The following MYLK4 variants were observed in gnomAD, a reference collection of about 807,000 sequenced individuals.
The protein encoded by MYLK4 is myosin light chain kinase family member 4, also known as caMLCK like.
Under a neutral mutation model 48.1 loss-of-function variants are expected in MYLK4, and 46 were observed. The observed-to-expected ratio is 0.96, with a 90% confidence interval of 0.75 to 1.22. The LOEUF is 1.22. Among genes scored for constraint, MYLK4 ranks in the 50% most tolerant of loss-of-function variants. The pLI, the probability that MYLK4 is intolerant of heterozygous loss-of-function variation, is 0.00. For synonymous variants in MYLK4, 170 were observed against 180.8 expected, an observed-to-expected ratio of 0.94 and a Z score of 0.48; for missense variants, 451 against 486.1, an observed-to-expected ratio of 0.93 and a Z score of 0.68.
At chr6:2,678,457 T>G (rs1219899743) in intron 9 of MYLK4, 85 bp from the exon 10 acceptor site, 1 of 1,433,174 alleles carries the variant, frequency 7.0e-7, no homozygotes, top group African/African-American at 1.4e-5. Context: ...TTGTGCCATT[T>G]AAAGGTGAGA....
rs1294963712 is a variant in MYLK4 at position 2,680,228 on chromosome 6, C to T, written c.751G>A (p.Ala251Thr). Residue 251 changes from alanine (A) to threonine (T), a missense_variant, in exon 8 of 13, where the codon GCC becomes ACC. Ala to Thr is a moderately conservative substitution (Grantham distance 58). Transcript: ENST00000274643. ...ATGTCCAAATAGACATACCTTCTGG[C>T]CAATCCAAAATCAATAATTTTTATT... is the stretch of plus-strand genomic sequence containing the variant. ...KQIKIIDFGL[A>T]RRYKPREKLK... 6.2e-7 allele frequency: 1 copy of T among 1,614,132 alleles called. No homozygotes were observed. Among genetic ancestry groups the T allele is most frequent in the South Asian group, 1.1e-5 (1 of 91,082 alleles).
chr6:2,690,916 G>A (rs1761766204), intron 3 of MYLK4, among the ~76,000 whole-genome samples: 1 of 139,314 alleles, frequency 7.2e-6, no homozygotes, highest in Non-Finnish European at 1.5e-5. Flanking sequence ...TGCAAGCTCC[G>A]CCTCCCGGAT....
At chr6:2,770,358 C>T in the MYLK4 span, 1 of 1,614,082 alleles carries the variant, frequency 6.2e-7, no homozygotes, top group East Asian at 2.2e-5. Flanking sequence ...AACAGCAGCT[C>T]AGAGTAAGTT....
At chr6:2,724,249 T>A (rs1419012592) in intron 2 of MYLK4, among the ~76,000 whole-genome samples, 1 of 152,158 alleles carries the variant, frequency 6.6e-6, no homozygotes, top group Non-Finnish European at 1.5e-5. Context: ...GCGATACACA[T>A]AGAGGACTTT....
chr6:2,735,090 A>T, intron 2 of MYLK4, among the ~76,000 whole-genome samples: 1 of 152,224 alleles, frequency 6.6e-6, no homozygotes, highest in East Asian at 1.9e-4. Context: ...TTCTTAGATG[A>T]TTCAGAAGGA....
At chr6:2,768,750 A>G in the MYLK4 span, 2 of 1,614,058 alleles carry the variant, frequency 1.2e-6, no homozygotes. Flanking sequence ...GGTTTGTGAC[A>G]TTATCTGCAA....
intron 2 of MYLK4, among the ~76,000 whole-genome samples, chr6:2,703,662 A>ATT (rs759946900): frequency 3.2e-4 from 20 of 62,170 alleles, no homozygotes; most frequent in African/African-American, 1.2e-3. Context: ...CCCTTTGTGA[A>ATT]TTCTTTTTTT....
In MYLK4 at chr6:2,665,055, G is replaced by A. The variant is rs928129238; in HGVS notation, c.*2870C>T. ...CCATTTGCTAAAGAAAGTGGGAACT[G>A]CCTAGTGAGTGAGCAAAGCCATACC... On this transcript the variant is annotated 3_prime_UTR_variant, in exon 13 of 13. Coordinates refer to ENST00000274643, the MANE Select transcript of MYLK4 (RefSeq NM_001012418.5). 1.4e-4 allele frequency: 22 copies of A among 152,218 alleles called. No homozygotes were observed. Among genetic ancestry groups the A allele is most frequent in the Non-Finnish European group, 2.8e-4 (19 of 68,024 alleles). 9.4% of individuals were successfully genotyped at this position (152,218 alleles called of 1,614,324 possible).
chr6:2,749,774 A>G (rs567470330), intron 1 of MYLK4, among the ~76,000 whole-genome samples: 17 of 152,310 alleles, frequency 1.1e-4, no homozygotes, highest in African/African-American at 4.1e-4. Context: ...GGAAGGGCTT[A>G]TCACAGAAGG....
At chr6:2,770,016 A>G in the MYLK4 span, 1 of 1,510,718 alleles carries the variant, frequency 6.6e-7, no homozygotes, top group Non-Finnish European at 9.0e-7. Context: ...TGAACTCGAA[A>G]GATAAAAATG....
chr6:2,704,408 A>T (rs1017998325), intron 2 of MYLK4, among the ~76,000 whole-genome samples: 1 of 152,168 alleles, frequency 6.6e-6, no homozygotes, highest in African/African-American at 2.4e-5. Context: ...TAGAAATTCA[A>T]ATGTTTGTGT....
chr6:2,748,132 T>C (rs913232512), intron 2 of MYLK4, among the ~76,000 whole-genome samples: 2 of 152,228 alleles, frequency 1.3e-5, no homozygotes, highest in Non-Finnish European at 2.9e-5. Context: ...CAAAGAAGGA[T>C]GTTTTCCAAA....
At position 2,665,421 on chromosome 6, in the gene MYLK4, A is replaced by G. The variant is rs1312652835; in HGVS notation, c.*2504T>C. 1 of 152,266 alleles carries G rather than the reference A, an allele frequency of 6.6e-6. No homozygotes were observed. The highest frequency in any genetic ancestry group is 1.5e-5 in the Non-Finnish European group (1 of 68,068). 9.4% of individuals were successfully genotyped at this position (152,266 alleles called of 1,614,324 possible). A position where few individuals can be genotyped will look rare whatever the true frequency, so the allele number is the denominator to read the frequency against. On this transcript the variant is annotated 3_prime_UTR_variant, in exon 13 of 13. Coordinates refer to ENST00000274643, the MANE Select transcript of MYLK4 (RefSeq NM_001012418.5). Reference sequence around the variant, plus strand: ...TATAAAAGGCACCCTGCTGGCATGGAGATGCCTTCCCATTCCAAATGTGGA... The same window carrying G: ...TATAAAAGGCACCCTGCTGGCATGGGGATGCCTTCCCATTCCAAATGTGGA...
the MYLK4 span, among the ~76,000 whole-genome samples, chr6:2,763,714 C>T: frequency 6.6e-6 from 1 of 152,240 alleles, no homozygotes; most frequent in Non-Finnish European, 1.5e-5. Flanking sequence ...AAAGAGCTCC[C>T]ATAGTACAGC....
chr6:2,713,496 A>G (rs1205096398), intron 2 of MYLK4, among the ~76,000 whole-genome samples: 1 of 152,192 alleles, frequency 6.6e-6, no homozygotes, highest in East Asian at 1.9e-4. Flanking sequence ...TCCTTTCTCC[A>G]TGGCCAAAAG....
At chr6:2,692,996 C>T in intron 2 of MYLK4, 137 bp from the exon 3 acceptor site, 1 of 735,190 alleles carries the variant, frequency 1.4e-6, no homozygotes, top group Non-Finnish European at 2.2e-6. Flanking sequence ...GCATCACTGG[C>T]CTCTATCCAC....
At chr6:2,700,459 T>TTCGGG (rs1434425869) in intron 2 of MYLK4, among the ~76,000 whole-genome samples, 1 of 152,164 alleles carries the variant, frequency 6.6e-6, no homozygotes, top group African/African-American at 2.4e-5. Flanking sequence ...TTCTGAGGCC[T>TTCGGG]TCTTACCAGC....
chr6:2,714,521 T>G (rs1364134695), intron 2 of MYLK4, among the ~76,000 whole-genome samples: 3 of 152,254 alleles, frequency 2.0e-5, no homozygotes, highest in East Asian at 3.8e-4. Context: ...GGCTCATCCT[T>G]GAATTCTTTC....
intron 12 of MYLK4, among the ~76,000 whole-genome samples, chr6:2,670,198 T>A (rs1189782719): frequency 6.6e-6 from 1 of 152,088 alleles, no homozygotes; most frequent in Non-Finnish European, 1.5e-5. Flanking sequence ...AAACCCCATC[T>A]CTACTAAAAA....
Sources: gnomAD v4.1 joint callset for allele counts (sites outside exome capture counted in the v4.1 genomes callset) on GRCh38, gnomAD v4.1.1 for gene constraint, MANE v1.5 for transcripts, NCBI Gene and HGNC (gene_info 2026-07-23, HGNC 2026-07-21) for gene names.